Variants in FHIT observed in about 807,000 individuals in gnomAD.
FHIT encodes fragile histidine triad diadenosine triphosphatase.
A neutral mutation model predicts 17.9 loss-of-function variants in FHIT; 19 were observed. The ratio of observed to expected loss-of-function variants is 1.06; its 90% confidence interval spans 0.74 to 1.56. FHIT has a LOEUF of 1.56. Ranked by LOEUF, FHIT falls within the 40% of genes most tolerant of loss-of-function variation. FHIT has a pLI of 0.00. For missense variants in FHIT, 248 were observed against 189.2 expected (o/e 1.31, Z -1.82); for synonymous variants, 81 against 69.7 (o/e 1.16, Z -0.81).
chr3:60,025,409 A>G (rs946485396), intron 5 of FHIT, among the ~76,000 whole-genome samples: 1 of 152,206 alleles, frequency 6.6e-6, no homozygotes, highest in South Asian at 2.1e-4. Context: ...TTAGTCCCCA[A>G]GAGAATGATT....
At chr3:60,315,332 T>C (rs1418617574) in intron 5 of FHIT, among the ~76,000 whole-genome samples, 1 of 152,194 alleles carries the variant, frequency 6.6e-6, no homozygotes, top group South Asian at 2.1e-4. Context: ...ATCTTAAGTG[T>C]ATAGCTCTGC....
At chr3:60,167,630 G>C (rs1027946137) in intron 5 of FHIT, among the ~76,000 whole-genome samples, 1 of 152,198 alleles carries the variant, frequency 6.6e-6, no homozygotes, top group East Asian at 1.9e-4. Flanking sequence ...TGAATGAACT[G>C]CACAGTCTTC....
intron 7 of FHIT, among the ~76,000 whole-genome samples, chr3:59,980,625 C>A (rs919604449): frequency 3.9e-5 from 6 of 152,156 alleles, no homozygotes; most frequent in Non-Finnish European, 8.8e-5. Context: ...CTGGAGAAGC[C>A]ATGGCCAGGC....
At chr3:60,698,374 C>T (rs2107901696) in intron 4 of FHIT, among the ~76,000 whole-genome samples, 1 of 152,250 alleles carries the variant, frequency 6.6e-6, no homozygotes, top group South Asian at 2.1e-4. Flanking sequence ...CCCATACCTT[C>T]AGTCATGACA....
intron 5 of FHIT, among the ~76,000 whole-genome samples, chr3:60,523,325 C>T (rs1031556388): frequency 1.3e-5 from 2 of 151,806 alleles, no homozygotes; most frequent in African/African-American, 4.8e-5. Context: ...TTGTAGTTTG[C>T]TTTTTTTTAA....
In FHIT at chr3:60,223,643, T is replaced by C. The variant is rs535478306; in HGVS notation, c.104-209491A>G. ...TAAGTGTTGCTAGTTTTTATACCAT[T>C]AGACTTTTATTTTCATAATTATAGG... On this transcript the variant is annotated intron_variant, in intron 5 of 9. Transcript: ENST00000492590. 2.6e-5 allele frequency among the ~76,000 whole-genome samples: 4 copies of C among 152,258 alleles called. No homozygotes were observed. In the South Asian group the frequency reaches 6.2e-4, roughly 24 times the overall value.
chr3:60,015,806 T>C (rs2106706853), intron 5 of FHIT, among the ~76,000 whole-genome samples: 1 of 152,318 alleles, frequency 6.6e-6, no homozygotes, highest in East Asian at 1.9e-4. Context: ...AGACAACCTA[T>C]GTATCTAATG....
In FHIT at chr3:60,466,685, G is replaced by A. The variant is rs575389510; in HGVS notation, c.103+70175C>T. 3.9e-5 allele frequency among the ~76,000 whole-genome samples: 6 copies of A among 152,078 alleles called. No individual in the cohort carries two copies. In the South Asian group the frequency reaches 1.2e-3, roughly 32 times the overall value. ...ATGTATCATTGATTGATTTGCATAT[G>A]TTGAACCATCCTTGCGTAACTGGAA... On this transcript the variant is annotated intron_variant, in intron 5 of 9. Transcript: ENST00000492590.
At chr3:59,967,346 T>A (rs9809998) in intron 7 of FHIT, among the ~76,000 whole-genome samples, 2,106 of 152,254 alleles carry the variant, frequency 0.014, 64 homozygotes, top group African/African-American at 0.048. Context: ...TATCAAGTAT[T>A]ATGTACTGAA....
intron 5 of FHIT, among the ~76,000 whole-genome samples, chr3:60,516,836 G>A (rs142050620): frequency 1.1e-3 from 164 of 152,274 alleles, no homozygotes; most frequent in African/African-American, 3.7e-3. Context: ...TCACTTGAGC[G>A]AAAGTGATCA....
chr3:60,745,740 A>G (rs2042343521), intron 4 of FHIT, among the ~76,000 whole-genome samples: 1 of 152,160 alleles, frequency 6.6e-6, no homozygotes, highest in African/African-American at 2.4e-5. Context: ...TACCAACCCA[A>G]TATACCAGAG....
chr3:59,934,268 G>A (rs946771388), intron 7 of FHIT, among the ~76,000 whole-genome samples: 3 of 152,144 alleles, frequency 2.0e-5, no homozygotes, highest in African/African-American at 4.8e-5. Context: ...GCCGAGGAAC[G>A]TGGAATGAGG....
chr3:60,107,547 G>C (rs2107165719), intron 5 of FHIT, among the ~76,000 whole-genome samples: 1 of 152,298 alleles, frequency 6.6e-6, no homozygotes, highest in Non-Finnish European at 1.5e-5. Context: ...AAGCAAGTCA[G>C]TATGTGACTG....
intron 8 of FHIT, among the ~76,000 whole-genome samples, chr3:59,810,436 C>A (rs1700370492): frequency 6.6e-6 from 1 of 152,148 alleles, no homozygotes; most frequent in African/African-American, 2.4e-5. Context: ...TCAAAGCTGG[C>A]CCCCTATCTT....
intron 3 of FHIT, among the ~76,000 whole-genome samples, chr3:60,850,646 G>A (rs1221166496): frequency 7.2e-5 from 11 of 152,062 alleles, no homozygotes; most frequent in Admixed American, 7.2e-4. Flanking sequence ...CCAGGTGCCT[G>A]TCCAAAGTAG....
chr3:60,424,661 T>G (rs1039232412), intron 5 of FHIT, among the ~76,000 whole-genome samples: 15 of 152,178 alleles, frequency 9.9e-5, no homozygotes, highest in African/African-American at 3.6e-4. Context: ...GTCTTCTCTT[T>G]GTTGTTGATC....
rs574458762 is a variant in FHIT, at chr3:60,380,188, T to A, written c.103+156672A>T. Among the ~76,000 whole-genome samples the A allele has an allele frequency of 1.1e-4, 16 of 152,240 alleles. No individual in the cohort carries two copies. In the South Asian group the frequency reaches 2.3e-3, roughly 22 times the overall value. On this transcript the variant is annotated intron_variant, in intron 5 of 9. Coordinates refer to ENST00000492590, the MANE Select transcript of FHIT (RefSeq NM_002012.4). ...GGAGGTTTTAGGTCATGGGGGTAGA[T>A]CTGTAATGAATAGCTTGGAGCCCTC...
intron 3 of FHIT, chr3:60,912,817 C>T (rs1575679944): frequency 2.0e-6 from 1 of 511,130 alleles, no homozygotes; most frequent in Non-Finnish European, 3.9e-6. Flanking sequence ...AAATTTATTG[C>T]TCTTTTTTAA....
chr3:60,571,561 C>G (rs907704163), intron 4 of FHIT, among the ~76,000 whole-genome samples: 2 of 151,878 alleles, frequency 1.3e-5, no homozygotes, highest in African/African-American at 2.4e-5. Context: ...AAGTGTGTCC[C>G]CAGACAGGTC....
Sources: allele counts gnomAD v4.1 joint callset (sites outside exome capture counted in the v4.1 genomes callset), GRCh38; gene constraint gnomAD v4.1.1; transcripts MANE v1.5; gene names NCBI Gene and HGNC (gene_info 2026-07-23, HGNC 2026-07-21).